PHIP: variants seen among roughly 807,000 people sequenced by gnomAD.
PHIP encodes PHIP subunit of CUL4-Ring ligase complex.
Under a neutral mutation model 236.8 loss-of-function variants are expected in PHIP, and 54 were observed. That is an observed-to-expected ratio of 0.23 (90% CI 0.18 to 0.29). PHIP has a LOEUF of 0.29. Ranked by LOEUF, PHIP falls within the 10% of genes least tolerant of loss-of-function variation. The pLI is 1.00. For synonymous variants in PHIP, 756 were observed against 718.9 expected, an observed-to-expected ratio of 1.05 and a Z score of -0.83; for missense variants, 1,370 against 2,190.8, an observed-to-expected ratio of 0.63 and a Z score of 7.48.
At chr6:79,041,720 G>A (rs150380627) in intron 7 of PHIP, among the ~76,000 whole-genome samples, 4 of 152,168 alleles carry the variant, frequency 2.6e-5, no homozygotes, top group Admixed American at 6.6e-5. Flanking sequence ...ATATAGAGAT[G>A]CCTATTTTCC....
In PHIP at chr6:79,059,606, TATATATATATATATATATAA is replaced by T. The variant is rs530671479; in HGVS notation, c.439+852_439+871del. Among the ~76,000 whole-genome samples, 724 of 99,156 alleles carry T rather than the reference TATATATATATATATATATAA, an allele frequency of 7.3e-3. 18 individuals carry two copies. The highest frequency in any genetic ancestry group is 0.012 in the Non-Finnish European group (494 of 42,432). 65.1% of individuals were successfully genotyped at this position (99,156 alleles called of 152,430 possible). On this transcript the variant is annotated intron_variant, in intron 6 of 39. Transcript: ENST00000275034. ...GAAAGCAAAATTATATATATATATA[TATATATATATATATATATAA>T]AAATGCCAAACAAAAGTCATATAAA...
At chr6:79,006,770 C>T (rs1305041894) in intron 15 of PHIP, among the ~76,000 whole-genome samples, 1 of 151,820 alleles carries the variant, frequency 6.6e-6, no homozygotes, top group Non-Finnish European at 1.5e-5. Context: ...TTTAGATGAA[C>T]TATTCCTCTA....
chr6:79,013,102 T>G (rs1314728120), intron 15 of PHIP, among the ~76,000 whole-genome samples: 3 of 151,600 alleles, frequency 2.0e-5, no homozygotes, highest in African/African-American at 7.3e-5. Context: ...GTGAACTCAG[T>G]AAATTGGGGC....
At chr6:79,019,234 A>G in intron 9 of PHIP, 75 bp from the exon 10 acceptor site, 1 of 1,101,566 alleles carries the variant, frequency 9.1e-7, no homozygotes, top group South Asian at 1.3e-5. Flanking sequence ...GTTTCAAAAA[A>G]TAATCCCAGA....
chr6:78,943,351 A>G (rs1773606050), intron 39 of PHIP, among the ~76,000 whole-genome samples: 1 of 152,130 alleles, frequency 6.6e-6, no homozygotes, highest in East Asian at 1.9e-4. Context: ...TAAAAATCAA[A>G]CAGGTTATGA....
At chr6:78,941,979 T>G (rs1773525682) in intron 39 of PHIP, among the ~76,000 whole-genome samples, 1 of 152,118 alleles carries the variant, frequency 6.6e-6, no homozygotes, top group African/African-American at 2.4e-5. Context: ...AAAAATGCTA[T>G]AACTTAGATA....
At chr6:78,988,946 G>A (rs554936949) in intron 20 of PHIP, among the ~76,000 whole-genome samples, 2 of 152,302 alleles carry the variant, frequency 1.3e-5, no homozygotes, top group African/African-American at 4.8e-5. Context: ...AAGATGCCAT[G>A]TGGCTGGCTT....
chr6:78,954,713 A>C (rs947071397), intron 35 of PHIP, 101 bp downstream of exon 35: 2 of 735,724 alleles, frequency 2.7e-6, no homozygotes, highest in African/African-American at 1.9e-5. Flanking sequence ...AATAATAAAG[A>C]AATAAACTAT....
At position 78,970,836 on chromosome 6, in the gene PHIP, T is replaced by C. The variant is rs1767486639; in HGVS notation, c.2942A>G (p.Asn981Ser). The C allele has an allele frequency of 1.1e-5, 17 of 1,612,142 alleles. No homozygotes were observed. Among genetic ancestry groups the C allele is most frequent in the Non-Finnish European group, 1.4e-5 (16 of 1,179,246 alleles). ...HEAYVEMARK[N>S]KIYSINPKKQ... ...TTTGGGATTGATACTATATATTTTA[T>C]TTTTCCGGGCCATTTCGACATAGGC... The change falls in exon 25 of 40, where the codon AAT becomes AGT. Residue 981 changes from asparagine (N) to serine (S), a missense_variant. Asn to Ser is a conservative substitution (Grantham distance 46). Around this residue, in one of 14 missense-constraint regions of PHIP, gnomAD observed 238 missense variants for 398.5 expected, o/e 0.60. Coordinates refer to ENST00000275034, the MANE Select transcript of PHIP (RefSeq NM_017934.7).
chr6:79,060,335 G>GA (rs1005619532), intron 6 of PHIP, 143 bp downstream of exon 6: 8 of 544,878 alleles, frequency 1.5e-5, no homozygotes, highest in South Asian at 6.7e-5. Flanking sequence ...CTACTACTAA[G>GA]AAAAAAAATC....
chr6:79,037,639 C>T (rs894352194), intron 7 of PHIP, among the ~76,000 whole-genome samples: 4 of 152,206 alleles, frequency 2.6e-5, no homozygotes, highest in African/African-American at 7.2e-5. Context: ...AATACAAAGA[C>T]TTCAAGCCAC....
chr6:79,023,616 AAAC>A (rs1262756021), intron 9 of PHIP, among the ~76,000 whole-genome samples: 1 of 151,972 alleles, frequency 6.6e-6, no homozygotes, highest in African/African-American at 2.4e-5. Context: ...AATATTAAGA[AAAC>A]AAAATTATAT....
intron 4 of PHIP, 107 bp from the exon 5 acceptor site, chr6:79,060,925 GC>G (rs1773338974): frequency 1.5e-6 from 1 of 687,238 alleles, no homozygotes; most frequent in South Asian, 2.4e-5. Flanking sequence ...ATTTTGTTTT[GC>G]GTCTTTGATG....
In PHIP at chr6:79,060,477, C is replaced by T. The variant is rs1773317467; in HGVS notation, c.439+1G>A. The T allele has an allele frequency of 6.2e-7, 1 of 1,608,904 alleles. No individual in the cohort carries two copies. Among genetic ancestry groups the T allele is most frequent in the Non-Finnish European group, 8.5e-7 (1 of 1,176,892 alleles). On this transcript the variant is annotated splice_donor_variant, in intron 6 of 39. Coordinates refer to ENST00000275034, the MANE Select transcript of PHIP (RefSeq NM_017934.7). LOFTEE classifies it high-confidence loss of function. ...ACTACTAGTGAACTCAAACAACTCA[C>T]CAATGCTGGGTGGGCTACCATAGTT... is the stretch of plus-strand genomic sequence containing the variant.
chr6:78,957,742 T>C (rs1447348087), intron 32 of PHIP: 1 of 151,908 alleles, frequency 6.6e-6, no homozygotes, highest in Non-Finnish European at 1.5e-5. Context: ...TTGTACAAAA[T>C]ATAGAATTCA....
rs1773347881 is a variant in PHIP at position 78,938,322 on chromosome 6, G to A, written c.*2371C>T. The A allele has an allele frequency of 6.6e-6, 1 of 151,442 alleles. No homozygotes were observed. Among genetic ancestry groups the A allele is most frequent in the African/African-American group, 2.4e-5 (1 of 41,342 alleles). 9.4% of individuals were successfully genotyped at this position (151,442 alleles called of 1,614,324 possible). On this transcript the variant is annotated 3_prime_UTR_variant, in exon 40 of 40. Transcript: ENST00000275034. ...TACATTTACATGTTATAGGAAAGAT[G>A]GTAAATACTCATTTCTTTGCTTGAG... is the stretch of plus-strand genomic sequence containing the variant.
At chr6:78,957,486 C>T (rs1278929158) in intron 32 of PHIP, 3 of 151,062 alleles carry the variant, frequency 2.0e-5, no homozygotes, top group African/African-American at 4.9e-5. Context: ...TTTTCTTATA[C>T]TGAAATGACC....
chr6:79,022,214 T>C lies in PHIP; in HGVS notation c.924-3055A>G, dbSNP rs543268367. On this transcript the variant is annotated intron_variant, in intron 9 of 39. Coordinates refer to ENST00000275034, the MANE Select transcript of PHIP (RefSeq NM_017934.7). ...ACATTTCTGTACCTCAGTATCCTCA[T>C]CTGTAAAACAGGGGTAAAACGGAAC... Among the ~76,000 whole-genome samples, 11 of 152,312 alleles carry C rather than the reference T, an allele frequency of 7.2e-5. No homozygotes were observed. In the South Asian group the frequency reaches 2.1e-3, roughly 29 times the overall value.
rs1405230446 is a variant in PHIP, at chr6:78,940,044, G to C, written c.*649C>G. On this transcript the variant is annotated 3_prime_UTR_variant, in exon 40 of 40. Transcript: ENST00000275034. Reference sequence around the variant, plus strand: ...AGACAGTCAAATGTTTTCCAATGTGGATATGTTTCCCTTCATCAGTACATT... The same window carrying C: ...AGACAGTCAAATGTTTTCCAATGTGCATATGTTTCCCTTCATCAGTACATT... The C allele has an allele frequency of 7.3e-6, 1 of 137,874 alleles. No individual in the cohort carries two copies. Among genetic ancestry groups the C allele is most frequent in the Non-Finnish European group, 1.6e-5 (1 of 63,894 alleles). 8.5% of individuals were successfully genotyped at this position (137,874 alleles called of 1,614,324 possible).
Sources: allele counts gnomAD v4.1 joint callset (sites outside exome capture counted in the v4.1 genomes callset), GRCh38; gene constraint gnomAD v4.1.1; regional missense constraint gnomAD v4.1.1; transcripts MANE v1.5; gene names NCBI Gene and HGNC (gene_info 2026-07-23, HGNC 2026-07-21).